Variants in SLC25A13 observed in about 807,000 individuals in gnomAD.
SLC25A13 encodes the protein solute carrier family 25 member 13.
A neutral mutation model predicts 85.5 loss-of-function variants in SLC25A13; 70 were observed. The ratio of observed to expected loss-of-function variants is 0.82; its 90% CI spans 0.68 to 1.00. The LOEUF is 1.00. Among genes scored for constraint, SLC25A13 ranks in the 50% least tolerant of loss-of-function variants. The pLI, the probability that SLC25A13 is intolerant of heterozygous loss-of-function variation, is 0.00. For synonymous variants in SLC25A13, 259 were observed against 288.7 expected, an observed-to-expected ratio of 0.90 and a Z score of 1.04; for missense variants, 765 against 819.8, an observed-to-expected ratio of 0.93 and a Z score of 0.82.
At chr7:96,225,504 C>T (rs1796298262) in intron 4 of SLC25A13, among the ~76,000 whole-genome samples, 1 of 151,304 alleles carries the variant, frequency 6.6e-6, no homozygotes, top group Admixed American at 6.6e-5. Flanking sequence ...CAGATCACTC[C>T]AGCCTGGGTG....
rs543960516 is a variant in SLC25A13 at position 96,234,871 on chromosome 7, C to T, written c.259G>A (p.Ala87Thr). The change falls in exon 4 of 18, where the codon GCC becomes ACC. Residue 87 changes from alanine (A) to threonine (T), a missense_variant. Transcript: ENST00000265631. Reference protein sequence around the residue: ...EFVAFESVLCAPDALFMVAFQ... With the variant: ...EFVAFESVLCTPDALFMVAFQ... ...GCTACCATAAACAAAGCATCAGGGG[C>T]ACACAGGACAGATTCAAAGGCAACA... The T allele has an allele frequency of 1.2e-6, 2 of 1,613,846 alleles. No homozygotes were observed. Among genetic ancestry groups the T allele is most frequent in the South Asian group, 1.1e-5 (1 of 91,072 alleles).
At chr7:96,307,521 C>T (rs754499144) in intron 1 of SLC25A13, among the ~76,000 whole-genome samples, 6 of 149,346 alleles carry the variant, frequency 4.0e-5, no homozygotes, top group Non-Finnish European at 7.4e-5. Context: ...CGCCACTGCA[C>T]GCCAGCCTGG....
At chr7:96,234,751 G>T in intron 4 of SLC25A13, 51 bp downstream of exon 4, 5 of 1,344,964 alleles carry the variant, frequency 3.7e-6, no homozygotes, top group South Asian at 1.2e-5. Context: ...AAAAGAAAAT[G>T]CTCACACAAG....
At chr7:96,286,339 C>A (rs1798886129) in intron 2 of SLC25A13, among the ~76,000 whole-genome samples, 1 of 149,656 alleles carries the variant, frequency 6.7e-6, no homozygotes, top group Admixed American at 6.7e-5. Context: ...TGTTTTATAA[C>A]AAGTCCTGTC....
In SLC25A13 at chr7:96,143,006, A is replaced by G. The variant is rs552105139; in HGVS notation, c.1452+3550T>C. Among the ~76,000 whole-genome samples the G allele has an allele frequency of 1.4e-4, 21 of 152,368 alleles. No individual in the cohort carries two copies. In the South Asian group the frequency reaches 4.3e-3, roughly 32 times the overall value. On this transcript the variant is annotated intron_variant, in intron 14 of 17. Transcript: ENST00000265631. ...CGCCTTTGATTAGAACACAGCAGAC[A>G]GAGTCCATATTCCTAAGTGACCCTC...
chr7:96,305,857 C>T (rs1271535529), intron 1 of SLC25A13, among the ~76,000 whole-genome samples: 1 of 152,142 alleles, frequency 6.6e-6, no homozygotes, highest in Non-Finnish European at 1.5e-5. Context: ...TGCTATCAAC[C>T]TCATCTAACT....
intron 11 of SLC25A13, among the ~76,000 whole-genome samples, chr7:96,172,516 C>A (rs1255581194): frequency 6.6e-6 from 1 of 151,778 alleles, no homozygotes; most frequent in Non-Finnish European, 1.5e-5. Context: ...CGAGATTGCA[C>A]CACTGCACTC....
chr7:96,187,999 T>C (rs1398640985), intron 9 of SLC25A13, among the ~76,000 whole-genome samples: 1 of 152,116 alleles, frequency 6.6e-6, no homozygotes, highest in Non-Finnish European at 1.5e-5. Context: ...GCACCCATCA[T>C]AAACTCTCAA....
At chr7:96,188,839 T>A (rs1021257774) in intron 9 of SLC25A13, among the ~76,000 whole-genome samples, 5 of 152,184 alleles carry the variant, frequency 3.3e-5, no homozygotes, top group Non-Finnish European at 7.3e-5. Flanking sequence ...AACAAAATTA[T>A]CTCATTTTGA....
chr7:96,189,071 C>G (rs947098706), intron 9 of SLC25A13, among the ~76,000 whole-genome samples: 1 of 152,244 alleles, frequency 6.6e-6, no homozygotes, highest in African/African-American at 2.4e-5. Context: ...GTTAGGAAAT[C>G]ACTCCACCTT....
chr7:96,160,050 A>G (rs889560451), intron 13 of SLC25A13, among the ~76,000 whole-genome samples: 4 of 152,346 alleles, frequency 2.6e-5, no homozygotes, highest in Middle Eastern at 3.4e-3. Flanking sequence ...CCTGTTATAC[A>G]TGTGTATTTT....
intron 4 of SLC25A13, among the ~76,000 whole-genome samples, chr7:96,232,314 T>C (rs1220570086): frequency 6.6e-6 from 1 of 151,688 alleles, no homozygotes; most frequent in Admixed American, 6.6e-5. Flanking sequence ...GAGGCCATTA[T>C]CCTTAGCAAA....
chr7:96,248,292 C>T (rs1797281818), intron 3 of SLC25A13, among the ~76,000 whole-genome samples: 1 of 152,152 alleles, frequency 6.6e-6, no homozygotes, highest in East Asian at 1.9e-4. Flanking sequence ...AATTTATTTT[C>T]TTACCACTCC....
At chr7:96,273,001 T>C (rs921107446) in intron 3 of SLC25A13, among the ~76,000 whole-genome samples, 1 of 152,144 alleles carries the variant, frequency 6.6e-6, no homozygotes. Context: ...AACAACAAAA[T>C]GTAGCCTTTA....
At chr7:96,271,290 A>C (rs960932771) in intron 3 of SLC25A13, among the ~76,000 whole-genome samples, 4 of 152,198 alleles carry the variant, frequency 2.6e-5, no homozygotes, top group African/African-American at 9.7e-5. Flanking sequence ...ATTATTACAC[A>C]TTATATACAT....
At chr7:96,172,328 A>G (rs1238061938) in intron 11 of SLC25A13, among the ~76,000 whole-genome samples, 3 of 152,064 alleles carry the variant, frequency 2.0e-5, no homozygotes, top group Non-Finnish European at 2.9e-5. Context: ...GAGGCTGAGG[A>G]GGGTGGATCA....
chr7:96,192,469 G>C (rs1368895891), intron 6 of SLC25A13, among the ~76,000 whole-genome samples: 2 of 152,036 alleles, frequency 1.3e-5, no homozygotes, highest in Non-Finnish European at 2.9e-5. Context: ...CAGGTCTTAA[G>C]AACCACCACC....
intron 3 of SLC25A13, among the ~76,000 whole-genome samples, chr7:96,238,012 TGTCCCCC>T (rs1311339153): frequency 6.6e-6 from 1 of 152,120 alleles, no homozygotes; most frequent in African/African-American, 2.4e-5. Flanking sequence ...GGCAGAACTG[TGTCCCCC>T]GTCCCCAAAA....
chr7:96,201,623 G>A (rs926321642), intron 5 of SLC25A13, among the ~76,000 whole-genome samples: 2 of 151,980 alleles, frequency 1.3e-5, no homozygotes, highest in African/African-American at 2.4e-5. Flanking sequence ...CTAAACCTAA[G>A]CAAGGACCTT....
Sources: allele counts gnomAD v4.1 joint callset (sites outside exome capture counted in the v4.1 genomes callset), GRCh38; gene constraint gnomAD v4.1.1; transcripts MANE v1.5; gene names NCBI Gene and HGNC (gene_info 2026-07-23, HGNC 2026-07-21).